ADTRP: variants seen among roughly 807,000 people sequenced by gnomAD.
The protein encoded by ADTRP is androgen-dependent TFPI-regulating protein.
In ADTRP, 20 loss-of-function variants were observed where a neutral mutation model predicts 27.0. The ratio of observed to expected loss-of-function variants is 0.74; its 90% confidence interval spans 0.52 to 1.08. The LOEUF (loss-of-function observed/expected upper bound fraction) is 1.08, where lower values mean the gene tolerates loss of function less well. Ranked by LOEUF, ADTRP falls within the 50% of genes least tolerant of loss-of-function variation. The probability of loss-of-function intolerance (pLI) is 0.00; values close to 1 mark genes in which losing one functional copy is unlikely to be tolerated. For synonymous variants in ADTRP, 101 were observed against 105.2 expected, an observed-to-expected ratio of 0.96 and a Z score of 0.25; for missense variants, 251 against 275.0, an observed-to-expected ratio of 0.91 and a Z score of 0.62.
At chr6:11,758,862 G>A (rs1763312886) in intron 3 of ADTRP, among the ~76,000 whole-genome samples, 1 of 152,072 alleles carries the variant, frequency 6.6e-6, no homozygotes, top group Non-Finnish European at 1.5e-5. Context: ...AGGAACATCT[G>A]GTCACAATCC....
intron 1 of ADTRP, among the ~76,000 whole-genome samples, chr6:11,771,564 A>G (rs1763782221): frequency 6.6e-6 from 1 of 152,204 alleles, no homozygotes; most frequent in Non-Finnish European, 1.5e-5. Context: ...AAGACGATGC[A>G]ATGTTTATAA....
intron 1 of ADTRP, among the ~76,000 whole-genome samples, chr6:11,778,201 T>C (rs1764019763): frequency 6.6e-6 from 1 of 152,230 alleles, no homozygotes; most frequent in Admixed American, 6.5e-5. Context: ...TATTCCTTCA[T>C]TGGAAATTAC....
intron 3 of ADTRP, among the ~76,000 whole-genome samples, chr6:11,749,206 A>G (rs964781314): frequency 3.3e-5 from 5 of 152,154 alleles, no homozygotes; most frequent in African/African-American, 7.2e-5. Context: ...GGCAGGGTCA[A>G]TGCTGGTTTC....
chr6:11,749,848 G>A (rs940618429), intron 3 of ADTRP, among the ~76,000 whole-genome samples: 1 of 152,216 alleles, frequency 6.6e-6, no homozygotes, highest in African/African-American at 2.4e-5. Flanking sequence ...TTGTGTGCTT[G>A]AGTGACAACA....
At chr6:11,758,039 G>C (rs145368298) in intron 3 of ADTRP, among the ~76,000 whole-genome samples, 127 of 152,220 alleles carry the variant, frequency 8.3e-4, no homozygotes, top group Non-Finnish European at 1.3e-3. Flanking sequence ...GACATCACTT[G>C]CTGTCTTTTC....
At chr6:11,743,121 G>A (rs538255543) in intron 3 of ADTRP, among the ~76,000 whole-genome samples, 1 of 152,316 alleles carries the variant, frequency 6.6e-6, no homozygotes, top group South Asian at 2.1e-4. Flanking sequence ...CTGTTCTGCA[G>A]CCCCTTTGGT....
chr6:11,761,758 T>C (rs893948586), intron 3 of ADTRP, among the ~76,000 whole-genome samples: 1 of 152,206 alleles, frequency 6.6e-6, no homozygotes, highest in African/African-American at 2.4e-5. Flanking sequence ...GGAGGGCTCA[T>C]GAGCCTCCTA....
chr6:11,767,844 G>C (rs928063147), intron 2 of ADTRP: 2 of 157,672 alleles, frequency 1.3e-5, no homozygotes, highest in African/African-American at 4.8e-5. Flanking sequence ...TCCACTTGCA[G>C]AAGTAACATA....
At chr6:11,747,954 A>G (rs926806060) in intron 3 of ADTRP, among the ~76,000 whole-genome samples, 1 of 152,232 alleles carries the variant, frequency 6.6e-6, no homozygotes, top group Non-Finnish European at 1.5e-5. Flanking sequence ...AGACATGAAT[A>G]CACAGTTACC....
intron 3 of ADTRP, among the ~76,000 whole-genome samples, chr6:11,745,015 T>A (rs1442958742): frequency 6.6e-6 from 1 of 152,224 alleles, no homozygotes; most frequent in Non-Finnish European, 1.5e-5. Context: ...CCATGACAGA[T>A]GTTTCCACAC....
At chr6:11,746,761 G>A (rs1201375997) in intron 3 of ADTRP, among the ~76,000 whole-genome samples, 2 of 152,186 alleles carry the variant, frequency 1.3e-5, no homozygotes, top group Non-Finnish European at 2.9e-5. Context: ...CAAGAAGGCT[G>A]TTGGTAAGCA....
At chr6:11,754,394 G>A (rs1206515200) in intron 3 of ADTRP, among the ~76,000 whole-genome samples, 3 of 152,186 alleles carry the variant, frequency 2.0e-5, no homozygotes, top group Admixed American at 2.0e-4. Flanking sequence ...GGCAAAACAA[G>A]GACCTTCTCT....
At chr6:11,753,014 T>C (rs1416213603) in intron 3 of ADTRP, among the ~76,000 whole-genome samples, 2 of 152,232 alleles carry the variant, frequency 1.3e-5, no homozygotes, top group African/African-American at 4.8e-5. Flanking sequence ...ATACTTTGCC[T>C]GTTTAAAGGA....
At chr6:11,718,821 C>T (rs1761917627) in intron 5 of ADTRP, among the ~76,000 whole-genome samples, 2 of 152,224 alleles carry the variant, frequency 1.3e-5, no homozygotes, top group African/African-American at 2.4e-5. Context: ...TGAGGAACCT[C>T]TTGTGAGCTT....
At chr6:11,768,186 C>T in intron 2 of ADTRP, 63 bp downstream of exon 2, 2 of 1,580,790 alleles carry the variant, frequency 1.3e-6, no homozygotes, top group Non-Finnish European at 1.7e-6. Context: ...CTTGGCTGCC[C>T]AGGAGAAGCG....
intron 4 of ADTRP, among the ~76,000 whole-genome samples, chr6:11,733,376 C>T (rs1392784816): frequency 2.0e-5 from 3 of 152,266 alleles, no homozygotes; most frequent in Non-Finnish European, 2.9e-5. Flanking sequence ...TGTGGATTTA[C>T]GACCTGGCTT....
intron 3 of ADTRP, among the ~76,000 whole-genome samples, chr6:11,756,795 T>C (rs967940718): frequency 6.6e-6 from 1 of 152,208 alleles, no homozygotes; most frequent in African/African-American, 2.4e-5. Flanking sequence ...CCCAGCTCTA[T>C]CACTAATCAG....
chr6:11,717,280 G>T, intron 5 of ADTRP: 1 of 1,303,116 alleles, frequency 7.7e-7, no homozygotes, highest in Non-Finnish European at 1.0e-6. Context: ...GCAAGGGCTA[G>T]AAATATTTTT....
intron 3 of ADTRP, among the ~76,000 whole-genome samples, chr6:11,742,453 A>G (rs1237304388): frequency 6.6e-6 from 1 of 152,232 alleles, no homozygotes; most frequent in Non-Finnish European, 1.5e-5. Context: ...ACACAAATAC[A>G]CCAACCAGAA....
Sources: gnomAD v4.1 joint callset for allele counts (sites outside exome capture counted in the v4.1 genomes callset) on GRCh38, gnomAD v4.1.1 for gene constraint, MANE v1.5 for transcripts, NCBI Gene and HGNC (gene_info 2026-07-23, HGNC 2026-07-21) for gene names.